Variants in ATRNL1 observed in about 807,000 individuals in gnomAD.
The protein encoded by ATRNL1 is attractin like 1.
Under a neutral mutation model 182.7 loss-of-function variants are expected in ATRNL1, and 95 were observed. That is an observed-to-expected ratio of 0.52 (90% CI 0.44 to 0.62). The LOEUF (loss-of-function observed/expected upper bound fraction) is 0.62, where lower values mean the gene tolerates loss of function less well. ATRNL1 is among the 20% of genes least tolerant of loss of function. The pLI is 0.00. For synonymous variants in ATRNL1, 576 were observed against 568.3 expected (o/e 1.01, Z -0.19); for missense variants, 1,471 against 1,679.5 (o/e 0.88, Z 2.17).
intron 26 of ATRNL1, among the ~76,000 whole-genome samples, chr10:115,650,702 C>T (rs1859931822): frequency 6.6e-6 from 1 of 151,874 alleles, no homozygotes; most frequent in Non-Finnish European, 1.5e-5. Context: ...TTCTTTTGCC[C>T]ATAAAAATTA....
intron 26 of ATRNL1, among the ~76,000 whole-genome samples, chr10:115,630,302 C>G (rs1858399712): frequency 6.6e-6 from 1 of 151,934 alleles, no homozygotes; most frequent in Non-Finnish European, 1.5e-5. Context: ...AAAATTAAAA[C>G]CACAATGAGA....
intron 18 of ATRNL1, among the ~76,000 whole-genome samples, chr10:115,318,088 A>G (rs1427451595): frequency 1.3e-5 from 2 of 152,096 alleles, no homozygotes; most frequent in African/African-American, 4.8e-5. Flanking sequence ...GTTTAGTGAG[A>G]GTTTTTAACA....
At chr10:115,670,764 T>G (rs1945673039) in intron 26 of ATRNL1, among the ~76,000 whole-genome samples, 1 of 152,114 alleles carries the variant, frequency 6.6e-6, no homozygotes, top group South Asian at 2.1e-4. Flanking sequence ...GCCCTGTGTT[T>G]CAGTGAGGTA....
chr10:115,518,866 A>T (rs1850768951), intron 24 of ATRNL1, among the ~76,000 whole-genome samples: 1 of 127,144 alleles, frequency 7.9e-6, no homozygotes, highest in Non-Finnish European at 1.8e-5. Context: ...ATGGTGTGTA[A>T]CAAAACATTT....
chr10:115,112,017 A>G (rs551797534), intron 1 of ATRNL1, among the ~76,000 whole-genome samples: 39 of 152,182 alleles, frequency 2.6e-4, no homozygotes, highest in African/African-American at 8.9e-4. Flanking sequence ...TAAAGAAGTT[A>G]GGAAAACAGT....
At chr10:115,648,673 T>G (rs1411928471) in intron 26 of ATRNL1, among the ~76,000 whole-genome samples, 1 of 152,218 alleles carries the variant, frequency 6.6e-6, no homozygotes, top group African/African-American at 2.4e-5. Context: ...AGTTACTTCC[T>G]ATCATTAACT....
At chr10:115,817,767 GT>G (rs35789775) in intron 27 of ATRNL1, among the ~76,000 whole-genome samples, 6,458 of 145,772 alleles carry the variant, frequency 0.044, 402 homozygotes, top group African/African-American at 0.14. Flanking sequence ...TAAAAAAGTA[GT>G]TTTTTTTTTT....
At chr10:115,766,795 T>C (rs1452385335) in intron 27 of ATRNL1, among the ~76,000 whole-genome samples, 6 of 152,212 alleles carry the variant, frequency 3.9e-5, no homozygotes, top group Non-Finnish European at 5.9e-5. Context: ...TATGCATTCA[T>C]GGGCTGAATC....
At chr10:115,401,344 C>A (rs1554956937) in intron 20 of ATRNL1, among the ~76,000 whole-genome samples, 4 of 152,014 alleles carry the variant, frequency 2.6e-5, no homozygotes, top group African/African-American at 9.7e-5. Flanking sequence ...CAGCAGATGT[C>A]TCATATTGGC....
chr10:115,773,985 A>G (rs1204145625), intron 27 of ATRNL1, among the ~76,000 whole-genome samples: 1 of 152,140 alleles, frequency 6.6e-6, no homozygotes, highest in Non-Finnish European at 1.5e-5. Flanking sequence ...CTTAAACCTG[A>G]GGTTCAAGAG....
chr10:115,450,177 A>G (rs1358359015), intron 21 of ATRNL1, among the ~76,000 whole-genome samples: 1 of 152,226 alleles, frequency 6.6e-6, no homozygotes, highest in African/African-American at 2.4e-5. Context: ...CCAATAACAT[A>G]CTGAACAGAC....
intron 26 of ATRNL1, among the ~76,000 whole-genome samples, chr10:115,614,088 T>C (rs1162559687): frequency 2.0e-5 from 3 of 152,062 alleles, no homozygotes; most frequent in Non-Finnish European, 4.4e-5. Context: ...TTCTTCTTGC[T>C]TTTTTAGTTC....
chr10:115,830,534 G>A (rs1030340582), intron 27 of ATRNL1, among the ~76,000 whole-genome samples: 19 of 152,064 alleles, frequency 1.2e-4, no homozygotes, highest in African/African-American at 4.1e-4. Flanking sequence ...GGGATGAGTC[G>A]TGATGATAGT....
intron 24 of ATRNL1, among the ~76,000 whole-genome samples, chr10:115,485,473 C>G (rs1248317363): frequency 1.3e-5 from 2 of 151,880 alleles, no homozygotes; most frequent in Non-Finnish European, 2.9e-5. Context: ...ACATAGTTGT[C>G]ATTTCTGTGG....
Position 115,190,660 on chromosome 10 carries a change from C to A in ATRNL1, c.1348+19368C>A, listed in dbSNP as rs567934396. Among the ~76,000 whole-genome samples, 10 of 152,176 alleles carry A rather than the reference C, an allele frequency of 6.6e-5. No individual in the cohort carries two copies. In the South Asian group the frequency reaches 1.7e-3, roughly 25 times the overall value. On this transcript the variant is annotated intron_variant, in intron 8 of 28. Coordinates refer to ENST00000355044, the MANE Select transcript of ATRNL1 (RefSeq NM_207303.4). ...GTCATACAATGTGTAATGATCAAAT[C>A]AGGGTAATTGGGACATCCATCACTT...
At chr10:115,592,430 C>T (rs1447141477) in intron 26 of ATRNL1, among the ~76,000 whole-genome samples, 2 of 152,204 alleles carry the variant, frequency 1.3e-5, no homozygotes, top group Non-Finnish European at 2.9e-5. Flanking sequence ...ACTATAGTCA[C>T]AAAATTCTAC....
At chr10:115,716,626 C>A (rs1217561522) in intron 26 of ATRNL1, among the ~76,000 whole-genome samples, 1 of 152,054 alleles carries the variant, frequency 6.6e-6, no homozygotes, top group African/African-American at 2.4e-5. Context: ...TAAATTACTT[C>A]TTGGGGTTGG....
intron 18 of ATRNL1, among the ~76,000 whole-genome samples, chr10:115,329,841 T>A: frequency 6.6e-6 from 1 of 152,156 alleles, no homozygotes; most frequent in East Asian, 1.9e-4. Flanking sequence ...TCACTGTTTG[T>A]CTTTTATTTG....
At chr10:115,143,637 A>G (rs1425195475) in intron 5 of ATRNL1, among the ~76,000 whole-genome samples, 8 of 152,164 alleles carry the variant, frequency 5.3e-5, no homozygotes, top group Non-Finnish European at 8.8e-5. Context: ...TCTGCCACAT[A>G]AAGAACGAAC....
Sources: gnomAD v4.1 joint callset for allele counts (sites outside exome capture counted in the v4.1 genomes callset) on GRCh38, gnomAD v4.1.1 for gene constraint, MANE v1.5 for transcripts, NCBI Gene and HGNC (gene_info 2026-07-23, HGNC 2026-07-21) for gene names.